The following RUBCN variants were observed in gnomAD, a reference collection of about 807,000 sequenced individuals.
RUBCN encodes the protein run domain Beclin-1-interacting and cysteine-rich domain-containing protein.
Under a neutral mutation model 113.2 loss-of-function variants are expected in RUBCN, and 74 were observed. The ratio of observed to expected loss-of-function variants is 0.65; its 90% confidence interval spans 0.54 to 0.79. RUBCN has a LOEUF of 0.79. Among genes scored for constraint, RUBCN ranks in the 30% least tolerant of loss-of-function variants. The pLI, the probability that RUBCN is intolerant of heterozygous loss-of-function variation, is 0.00. For missense variants in RUBCN, 1,109 were observed against 1,251.7 expected (o/e 0.89, Z 1.72); for synonymous variants, 480 against 490.0 (o/e 0.98, Z 0.27).
intron 2 of RUBCN, among the ~76,000 whole-genome samples, chr3:197,709,515 G>A (rs981391165): frequency 6.6e-6 from 1 of 152,102 alleles, no homozygotes; most frequent in African/African-American, 2.4e-5. Context: ...TGAGTAGCTG[G>A]GATTACAGGC....
chr3:197,736,188 G>A (rs1171620862), intron 1 of RUBCN, among the ~76,000 whole-genome samples: 1 of 152,070 alleles, frequency 6.6e-6, no homozygotes, highest in Non-Finnish European at 1.5e-5. Flanking sequence ...CTCTGCCTAA[G>A]CTTCTTCCGA....
At chr3:197,699,433 G>A (rs550333252) in intron 7 of RUBCN, among the ~76,000 whole-genome samples, 6 of 152,292 alleles carry the variant, frequency 3.9e-5, no homozygotes, top group African/African-American at 7.2e-5. Flanking sequence ...ACACATTTTC[G>A]CGGGCTCCCT....
At chr3:197,713,524 A>C (rs1321177312) in intron 2 of RUBCN, among the ~76,000 whole-genome samples, 1 of 152,198 alleles carries the variant, frequency 6.6e-6, no homozygotes, top group Non-Finnish European at 1.5e-5. Flanking sequence ...TGCCACAAAT[A>C]GGAAGAAGGG....
At chr3:197,711,068 C>T (rs539233189) in intron 2 of RUBCN, among the ~76,000 whole-genome samples, 1 of 152,368 alleles carries the variant, frequency 6.6e-6, no homozygotes, top group African/African-American at 2.4e-5. Context: ...TCGTGATCCA[C>T]CTGCCTTGGC....
intron 1 of RUBCN, among the ~76,000 whole-genome samples, chr3:197,728,855 CAA>C (rs1375611041): frequency 2.0e-5 from 3 of 152,052 alleles, no homozygotes; most frequent in Non-Finnish European, 4.4e-5. Flanking sequence ...GCTCTCCAGG[CAA>C]AGAGGGAGGT....
intron 1 of RUBCN, among the ~76,000 whole-genome samples, chr3:197,742,234 T>A (rs1332645601): frequency 6.6e-6 from 1 of 152,162 alleles, no homozygotes; most frequent in African/African-American, 2.4e-5. Context: ...GGCTCACGCC[T>A]GTAATAGCAG....
chr3:197,746,927 CTT>C (rs879701874), intron 1 of RUBCN, among the ~76,000 whole-genome samples: 19 of 145,352 alleles, frequency 1.3e-4, no homozygotes, highest in African/African-American at 1.0e-4. Context: ...GTCTTGCTCA[CTT>C]TTTTTTTTTT....
chr3:197,705,566 G>GAAAAAAA (rs1023962921), intron 2 of RUBCN, among the ~76,000 whole-genome samples: 13 of 42,414 alleles, frequency 3.1e-4, no homozygotes, highest in Middle Eastern at 0.011. Flanking sequence ...CCCTAACTCA[G>GAAAAAAA]AAAAAAAAAA....
intron 7 of RUBCN, among the ~76,000 whole-genome samples, chr3:197,700,170 T>C (rs922887480): frequency 6.6e-6 from 1 of 152,202 alleles, no homozygotes; most frequent in African/African-American, 2.4e-5. Context: ...GCACTCACTA[T>C]AGCCTTCGTT....
chr3:197,734,677 T>C (rs1727918948), intron 1 of RUBCN, among the ~76,000 whole-genome samples: 2 of 152,094 alleles, frequency 1.3e-5, no homozygotes, highest in Non-Finnish European at 2.9e-5. Flanking sequence ...AAAAAATAAC[T>C]AACCCAGCCT....
intron 7 of RUBCN, among the ~76,000 whole-genome samples, chr3:197,697,755 A>G (rs2108893998): frequency 6.6e-6 from 1 of 152,378 alleles, no homozygotes; most frequent in Middle Eastern, 3.4e-3. Flanking sequence ...CAACATTTCC[A>G]GGACCACAGA....
At chr3:197,718,944 G>A (rs113867193) in intron 1 of RUBCN, among the ~76,000 whole-genome samples, 9 of 152,296 alleles carry the variant, frequency 5.9e-5, no homozygotes, top group Admixed American at 2.0e-4. Flanking sequence ...TGATTATACC[G>A]TAAGAAACGG....
chr3:197,717,281 A>C (rs1725637569), intron 2 of RUBCN, among the ~76,000 whole-genome samples: 1 of 151,786 alleles, frequency 6.6e-6, no homozygotes, highest in Non-Finnish European at 1.5e-5. Flanking sequence ...GTCTCTACTA[A>C]AAAATAGAAA....
chr3:197,681,384 G>A lies in RUBCN; in HGVS notation c.2192-17C>T. 1 of 1,577,534 alleles carries A rather than the reference G, an allele frequency of 6.3e-7. No homozygotes were observed. The highest frequency in any genetic ancestry group is 8.7e-7 in the Non-Finnish European group (1 of 1,146,984). On this transcript the variant is annotated splice_polypyrimidine_tract_variant and intron_variant, in intron 15 of 19. Coordinates refer to ENST00000296343, the MANE Select transcript of RUBCN (RefSeq NM_014687.4). The surrounding 1 kb of genome is among the most constrained non-coding windows in gnomAD (Gnocchi z 5.5). ...TGATGTAATCTGGAAAAACCGGAAA[G>A]CCAGAAAGCCAGATGTAACTTTCCC...
intron 11 of RUBCN, among the ~76,000 whole-genome samples, chr3:197,685,100 T>C (rs996048263): frequency 1.1e-4 from 16 of 152,216 alleles, no homozygotes; most frequent in African/African-American, 3.9e-4. Context: ...AGACTTTCCA[T>C]AGCCTATTTC....
At chr3:197,702,564 G>A (rs1371346199) in intron 5 of RUBCN, among the ~76,000 whole-genome samples, 1 of 152,148 alleles carries the variant, frequency 6.6e-6, no homozygotes, top group Admixed American at 6.5e-5. Flanking sequence ...TCGGGAGGCT[G>A]AGACAGGAGA....
chr3:197,681,996 G>A lies in RUBCN; in HGVS notation c.2127-97C>T. The A allele has an allele frequency of 1.1e-6, 1 of 934,982 alleles. No individual in the cohort carries two copies. Among genetic ancestry groups the A allele is most frequent in the Non-Finnish European group, 1.7e-6 (1 of 572,780 alleles). 57.9% of individuals were successfully genotyped at this position (934,982 alleles called of 1,614,324 possible). On this transcript the variant is annotated intron_variant, in intron 14 of 19. Transcript: ENST00000296343. The surrounding 1 kb of genome is among the most constrained non-coding windows in gnomAD (Gnocchi z 5.5). Reference sequence around the variant, plus strand: ...CACACATACATACAGCTCCAGTTAAGTATGGGAAGAGAGGGGAATTCACCT... The same window carrying A: ...CACACATACATACAGCTCCAGTTAAATATGGGAAGAGAGGGGAATTCACCT...
At chr3:197,685,032 C>A (rs146298951) in intron 11 of RUBCN, among the ~76,000 whole-genome samples, 1 of 152,186 alleles carries the variant, frequency 6.6e-6, no homozygotes, top group African/African-American at 2.4e-5. Context: ...GTTACCAACA[C>A]GTTTTGACAA....
intron 2 of RUBCN, among the ~76,000 whole-genome samples, chr3:197,709,218 C>T (rs4508802): frequency 0.17 from 25,317 of 152,106 alleles, 3,432 homozygotes; most frequent in African/African-American, 0.37. Context: ...GTTGCATAAG[C>T]AGTTTTTTCC....
Sources: allele counts gnomAD v4.1 joint callset (sites outside exome capture counted in the v4.1 genomes callset), GRCh38; gene constraint gnomAD v4.1.1; non-coding constraint Gnocchi (gnomAD v3.1); transcripts MANE v1.5; gene names NCBI Gene and HGNC (gene_info 2026-07-23, HGNC 2026-07-21).